The following KCNT2 variants were observed in gnomAD, a reference collection of about 807,000 sequenced individuals.
KCNT2 encodes potassium channel subfamily T member 2.
In KCNT2, 67 loss-of-function variants were observed where a neutral mutation model predicts 153.8. The ratio of observed to expected loss-of-function variants is 0.44; its 90% CI spans 0.36 to 0.53. The LOEUF (loss-of-function observed/expected upper bound fraction) is 0.53. Ranked by LOEUF, KCNT2 falls within the 20% of genes least tolerant of loss-of-function variation. KCNT2 has a pLI of 0.00. For synonymous variants in KCNT2, 500 were observed against 458.8 expected (o/e 1.09, Z -1.15); for missense variants, 975 against 1,354.8 (o/e 0.72, Z 4.40).
At chr1:196,548,560 C>T (rs1344223284) in intron 1 of KCNT2, among the ~76,000 whole-genome samples, 1 of 151,956 alleles carries the variant, frequency 6.6e-6, no homozygotes, top group African/African-American at 2.4e-5. Context: ...GTTGGTGGGA[C>T]TGTAAACTAG....
intron 13 of KCNT2, among the ~76,000 whole-genome samples, chr1:196,394,297 A>T (rs965099805): frequency 9.2e-5 from 14 of 151,576 alleles, no homozygotes; most frequent in African/African-American, 3.1e-4. Context: ...GTGAATACCC[A>T]GAAAAAGATG....
At chr1:196,412,884 CA>C (rs1476231781) in intron 12 of KCNT2, among the ~76,000 whole-genome samples, 2 of 151,530 alleles carry the variant, frequency 1.3e-5, no homozygotes, top group Non-Finnish European at 3.0e-5. Context: ...TAAATAGTAT[CA>C]GTCTTCAAAT....
intron 3 of KCNT2, among the ~76,000 whole-genome samples, chr1:196,483,670 G>A (rs897863310): frequency 1.3e-5 from 2 of 151,992 alleles, no homozygotes; most frequent in African/African-American, 2.4e-5. Context: ...GATTCCACTT[G>A]ATCAACTTTG....
intron 19 of KCNT2, among the ~76,000 whole-genome samples, chr1:196,321,851 T>A (rs1223334924): frequency 6.6e-6 from 1 of 152,028 alleles, no homozygotes; most frequent in Admixed American, 6.6e-5. Flanking sequence ...ACATGTATTA[T>A]GCCAGCTGAC....
At chr1:196,562,712 T>C (rs1479519263) in intron 1 of KCNT2, among the ~76,000 whole-genome samples, 1 of 151,742 alleles carries the variant, frequency 6.6e-6, no homozygotes, top group East Asian at 1.9e-4. Context: ...TCTTCTCTTT[T>C]TTTTTTTTCC....
intron 8 of KCNT2, among the ~76,000 whole-genome samples, chr1:196,432,357 A>G (rs1674239187): frequency 6.6e-6 from 1 of 152,106 alleles, no homozygotes; most frequent in African/African-American, 2.4e-5. Flanking sequence ...CCATCCCTGA[A>G]ACCCCAGAGC....
At chr1:196,601,984 T>A (rs573277488) in intron 1 of KCNT2, among the ~76,000 whole-genome samples, 8 of 152,214 alleles carry the variant, frequency 5.3e-5, no homozygotes, top group African/African-American at 1.9e-4. Context: ...TACAATTCAA[T>A]TGCTAATGAT....
intron 14 of KCNT2, among the ~76,000 whole-genome samples, chr1:196,369,178 A>G (rs1668293544): frequency 6.6e-6 from 1 of 152,150 alleles, no homozygotes; most frequent in African/African-American, 2.4e-5. Flanking sequence ...AAATTTTTAA[A>G]ATTCTGATAA....
chr1:196,278,533 A>G (rs185560105), intron 25 of KCNT2, among the ~76,000 whole-genome samples: 117 of 152,302 alleles, frequency 7.7e-4, no homozygotes, highest in Non-Finnish European at 4.1e-4. Context: ...TTTATTTGCT[A>G]TGGGCAGAGT....
intron 26 of KCNT2, among the ~76,000 whole-genome samples, chr1:196,256,801 T>G (rs1297322283): frequency 6.6e-6 from 1 of 151,600 alleles, no homozygotes; most frequent in Non-Finnish European, 1.5e-5. Context: ...CAATTCCATC[T>G]TGAATAGGGG....
chr1:196,358,538 A>C (rs1179968752), intron 14 of KCNT2, among the ~76,000 whole-genome samples: 2 of 151,910 alleles, frequency 1.3e-5, no homozygotes, highest in Non-Finnish European at 2.9e-5. Context: ...TAATACTTCA[A>C]AATAGTCTTC....
At chr1:196,399,255 G>A (rs1671216069) in intron 12 of KCNT2, among the ~76,000 whole-genome samples, 1 of 151,540 alleles carries the variant, frequency 6.6e-6, no homozygotes, top group Non-Finnish European at 1.5e-5. Context: ...CCTTTACATA[G>A]TAGTCACCCC....
intron 14 of KCNT2, among the ~76,000 whole-genome samples, chr1:196,355,961 C>A (rs1667141027): frequency 6.6e-6 from 1 of 151,716 alleles, no homozygotes; most frequent in South Asian, 2.1e-4. Flanking sequence ...TGCCATTGTG[C>A]ATTTATATTA....
intron 14 of KCNT2, 84 bp from the exon 15 acceptor site, chr1:196,342,312 T>C (rs1331866690): frequency 9.9e-6 from 12 of 1,215,446 alleles, no homozygotes; most frequent in Non-Finnish European, 1.4e-5. Context: ...ATAGAACTGT[T>C]TCTCAACTGT....
At chr1:196,463,188 A>T (rs577084413) in intron 8 of KCNT2, among the ~76,000 whole-genome samples, 13 of 151,862 alleles carry the variant, frequency 8.6e-5, no homozygotes, top group Admixed American at 7.9e-4. Flanking sequence ...TTTTGTGGAT[A>T]TTTCTATTTT....
intron 22 of KCNT2, among the ~76,000 whole-genome samples, chr1:196,294,104 A>G (rs1261788842): frequency 6.6e-6 from 1 of 152,138 alleles, no homozygotes; most frequent in East Asian, 1.9e-4. Context: ...GGAAAAGCTG[A>G]TCAACATCAC....
intron 13 of KCNT2, among the ~76,000 whole-genome samples, chr1:196,386,192 C>T (rs1669967090): frequency 6.6e-6 from 1 of 152,140 alleles, no homozygotes; most frequent in Non-Finnish European, 1.5e-5. Context: ...CTACGCAAGT[C>T]AAGCCTTCAA....
chr1:196,434,402 A>G (rs1218356702), intron 8 of KCNT2, among the ~76,000 whole-genome samples: 1 of 151,956 alleles, frequency 6.6e-6, no homozygotes, highest in Non-Finnish European at 1.5e-5. Flanking sequence ...TCTTAATTCA[A>G]ATATATATTT....
At chr1:196,423,300 A>C (rs557843033) in intron 11 of KCNT2, among the ~76,000 whole-genome samples, 187 bp from the exon 12 acceptor site, 35 of 151,960 alleles carry the variant, frequency 2.3e-4, no homozygotes, top group African/African-American at 7.7e-4. Context: ...AACAAAAAAA[A>C]ATTTGCTATT....
Sources: allele counts gnomAD v4.1 joint callset (sites outside exome capture counted in the v4.1 genomes callset), GRCh38; gene constraint gnomAD v4.1.1; transcripts MANE v1.5; gene names NCBI Gene and HGNC (gene_info 2026-07-23, HGNC 2026-07-21).